Variants in SPTA1 observed in about 807,000 individuals in gnomAD.
SPTA1 encodes the protein spectrin alpha chain, erythrocytic 1.
SPTA1 carries 177 observed loss-of-function variants against 324.7 expected under a neutral mutation model. The observed-to-expected ratio is 0.55, with a 90% CI of 0.48 to 0.62. The LOEUF is 0.62. Among genes scored for constraint, SPTA1 ranks in the 20% least tolerant of loss-of-function variants. The pLI, the probability that SPTA1 is intolerant of heterozygous loss-of-function variation, is 0.00. For synonymous variants in SPTA1, 1,195 were observed against 1,041.3 expected (o/e 1.15, Z -2.84); for missense variants, 3,162 against 2,883.6 (o/e 1.10, Z -2.21).
chr1:158,614,114 A>C, intron 49 of SPTA1, 139 bp downstream of exon 49: 1 of 808,932 alleles, frequency 1.2e-6, no homozygotes, highest in East Asian at 2.6e-5. Flanking sequence ...ACAGAAAGCC[A>C]TGACTGGAGC....
intron 42 of SPTA1, among the ~76,000 whole-genome samples, chr1:158,624,537 C>G (rs1256541683): frequency 6.6e-6 from 1 of 152,086 alleles, no homozygotes; most frequent in Non-Finnish European, 1.5e-5. Context: ...CCAATTTATC[C>G]CATTTGGAAT....
chr1:158,661,498 G>A, intron 17 of SPTA1, 89 bp from the exon 18 acceptor site: 4 of 1,568,420 alleles, frequency 2.6e-6, no homozygotes, highest in South Asian at 1.1e-5. Context: ...GGACCCACAG[G>A]TTCTTTCCTT....
intron 48 of SPTA1, 56 bp downstream of exon 48, chr1:158,615,160 C>G (rs1557919361): frequency 1.2e-6 from 2 of 1,603,708 alleles, no homozygotes; most frequent in Non-Finnish European, 8.5e-7. Flanking sequence ...TAGTTAAGGT[C>G]CTAACACCTA....
intron 12 of SPTA1, among the ~76,000 whole-genome samples, chr1:158,671,101 T>C (rs189777519): frequency 3.8e-4 from 58 of 152,264 alleles, no homozygotes; most frequent in Admixed American, 2.6e-3. Context: ...ACTTTTTTTC[T>C]AAAGATTAGT....
chr1:158,685,163 A>C lies in SPTA1; in HGVS notation c.209T>G (p.Met70Arg), dbSNP rs1469938477. The C allele has an allele frequency of 6.2e-6, 10 of 1,613,640 alleles. No homozygotes were observed. The highest frequency in any genetic ancestry group is 1.3e-5 in the African/African-American group (1 of 74,908). The change falls in exon 2 of 52, where the codon ATG becomes AGG. Residue 70 changes from methionine to arginine, a missense_variant. Physicochemically the swap from Met to Arg is moderately conservative, Grantham distance 91. Coordinates refer to ENST00000643759, the MANE Select transcript of SPTA1 (RefSeq NM_003126.4). ...ATCGGTTAAGATATTGACTTTCTCC[A>C]TGATCCACTTCCCCAGATCATCTGC... is the stretch of plus-strand genomic sequence containing the variant. ...RDADDLGKWI[M>R]EKVNILTDKS... is the part of the protein sequence containing the mutation.
Position 158,627,695 on chromosome 1 carries a change from T to A in SPTA1, c.5594A>T (p.Glu1865Val), listed in dbSNP as rs372380092. ...QSLLMKHEALENDFAVHETRV... is the reference protein window; with the variant it reads ...QSLLMKHEALVNDFAVHETRV... ...GGTCTCATGGACAGCAAAGTCATTTTCCAAAGCTTCATGCTTCATTAGCAA... is the reference window on the plus strand; with the variant it reads ...GGTCTCATGGACAGCAAAGTCATTTACCAAAGCTTCATGCTTCATTAGCAA... The change falls in exon 40 of 52, where the codon GAA (glutamate) becomes GTA (valine). Residue 1865 changes from glutamate to valine, a missense_variant. Coordinates refer to ENST00000643759, the MANE Select transcript of SPTA1 (RefSeq NM_003126.4). The A allele has an allele frequency of 6.2e-7, 1 of 1,613,114 alleles. No individual in the cohort carries two copies. The highest frequency in any genetic ancestry group is 1.3e-5 in the African/African-American group (1 of 75,062).
At chr1:158,664,583 G>T (rs1001259519) in intron 16 of SPTA1, among the ~76,000 whole-genome samples, 1 of 152,168 alleles carries the variant, frequency 6.6e-6, no homozygotes. Context: ...AGGTTGATAG[G>T]TGCAGCAAAC....
intron 6 of SPTA1, 23 bp downstream of exon 6, chr1:158,678,378 T>C (rs760349644): frequency 1.1e-5 from 18 of 1,613,354 alleles, no homozygotes; most frequent in Non-Finnish European, 1.4e-5. Flanking sequence ...AAGTTTTCTA[T>C]AAAGCAGTGG....
At chr1:158,639,151 G>T (rs182770765) in intron 35 of SPTA1, 16 of 190,914 alleles carry the variant, frequency 8.4e-5, no homozygotes, top group Non-Finnish European at 4.4e-5. Context: ...GTTGCTATTA[G>T]GATGCAACCA....
intron 25 of SPTA1, 65 bp downstream of exon 25, chr1:158,649,791 A>G: frequency 7.7e-7 from 1 of 1,290,688 alleles, no homozygotes; most frequent in Non-Finnish European, 1.1e-6. Flanking sequence ...CACCATAGTA[A>G]TAGACTTAGA....
intron 39 of SPTA1, among the ~76,000 whole-genome samples, chr1:158,630,884 T>C (rs1447678887): frequency 2.0e-5 from 3 of 152,040 alleles, no homozygotes; most frequent in African/African-American, 7.2e-5. Flanking sequence ...AAATGTTCAA[T>C]ATCACTAATT....
intron 12 of SPTA1, among the ~76,000 whole-genome samples, chr1:158,671,041 A>T (rs1488254284): frequency 1.3e-5 from 2 of 152,092 alleles, no homozygotes; most frequent in Non-Finnish European, 2.9e-5. Context: ...GCTTTGTAGA[A>T]CAAGAATGGT....
intron 51 of SPTA1, 112 bp from the exon 52 acceptor site, chr1:158,611,501 G>A (rs1004935477): frequency 1.8e-5 from 22 of 1,256,164 alleles, no homozygotes; most frequent in East Asian, 4.9e-5. Context: ...TCTGGAAGAC[G>A]CAAGCCCTAT....
chr1:158,615,021 A>G, intron 48 of SPTA1, 195 bp downstream of exon 48: 1 of 627,570 alleles, frequency 1.6e-6, no homozygotes. Context: ...AGGTGGATGG[A>G]GAGCACTGTC....
chr1:158,670,234 C>T (rs1206458117), intron 12 of SPTA1, among the ~76,000 whole-genome samples: 2 of 152,190 alleles, frequency 1.3e-5, no homozygotes, highest in African/African-American at 4.8e-5. Flanking sequence ...CTATCTCTAT[C>T]TCCAGTTACA....
Position 158,675,188 on chromosome 1 carries a change from G to A in SPTA1, c.1113-513C>T, listed in dbSNP as rs188963887. Among the ~76,000 whole-genome samples, 450 of 152,194 alleles carry A rather than the reference G, an allele frequency of 3.0e-3. 3 individuals carry two copies. Among genetic ancestry groups the A allele is most frequent in the Non-Finnish European group, 4.4e-3 (300 of 68,004 alleles). On this transcript the variant is annotated intron_variant, in intron 8 of 51. Coordinates refer to ENST00000643759, the MANE Select transcript of SPTA1 (RefSeq NM_003126.4). ...TTTTGAAATCACAATCATATGACAA[G>A]CACTGTCCTCTGGTTATTTAAGGAC...
intron 3 of SPTA1, among the ~76,000 whole-genome samples, chr1:158,683,042 G>C (rs547409268): frequency 1.3e-5 from 2 of 152,086 alleles, no homozygotes; most frequent in Non-Finnish European, 2.9e-5. Context: ...TGAGGTTAGA[G>C]GAAATAATTA....
In SPTA1 at chr1:158,666,367, C is replaced by G. The variant is rs368012895; in HGVS notation, c.2169G>C (p.Gln723His). 6 of 1,613,840 alleles carry G rather than the reference C, an allele frequency of 3.7e-6. No homozygotes were observed. In the African/African-American group the frequency reaches 6.7e-5, roughly 18 times the overall value. The change falls in exon 16 of 52, where the codon CAG (glutamine) becomes CAC (histidine). Residue 723 changes from glutamine (Q) to histidine (H), a missense_variant. By Grantham distance (24) the Gln-to-His change is conservative. Transcript: ENST00000643759. ...GGAGGCCGTGTTTCCTGAGTCGATT[C>G]TGTACCTCGGCCAGGCCTTTCCCAT... ...EDYGKGLAEV[Q>H]NRLRKHGLLE...
chr1:158,655,210 G>T (rs903499087), intron 20 of SPTA1, among the ~76,000 whole-genome samples: 1 of 152,112 alleles, frequency 6.6e-6, no homozygotes, highest in Admixed American at 6.5e-5. Context: ...TATGTCAGGA[G>T]CTCCGGACCT....
Sources: allele counts gnomAD v4.1 joint callset (sites outside exome capture counted in the v4.1 genomes callset), GRCh38; gene constraint gnomAD v4.1.1; transcripts MANE v1.5; gene names NCBI Gene and HGNC (gene_info 2026-07-23, HGNC 2026-07-21).